Variants in ALOX5 observed in about 807,000 individuals in gnomAD.
ALOX5 encodes polyunsaturated fatty acid 5-lipoxygenase.
A neutral mutation model predicts 87.9 loss-of-function variants in ALOX5; 64 were observed. That is an observed-to-expected ratio of 0.73 (90% CI 0.60 to 0.90). The LOEUF (loss-of-function observed/expected upper bound fraction) is 0.90. Ranked by LOEUF, ALOX5 falls within the 40% of genes least tolerant of loss-of-function variation. The pLI is 0.00. For missense variants in ALOX5, 822 were observed against 907.5 expected (o/e 0.91, Z 1.21); for synonymous variants, 388 against 355.1 (o/e 1.09, Z -1.04).
intron 4 of ALOX5, among the ~76,000 whole-genome samples, chr10:45,418,447 C>T (rs1021490736): frequency 6.6e-6 from 1 of 152,154 alleles, no homozygotes; most frequent in Non-Finnish European, 1.5e-5. Flanking sequence ...CTAAAGACAG[C>T]CTTTGTCTTC....
intron 3 of ALOX5, among the ~76,000 whole-genome samples, chr10:45,397,592 T>C (rs1840558264): frequency 6.6e-6 from 1 of 152,078 alleles, no homozygotes; most frequent in South Asian, 2.1e-4. Flanking sequence ...AATAACATGA[T>C]CTTATATATA....
intron 3 of ALOX5, among the ~76,000 whole-genome samples, chr10:45,408,357 G>A (rs1435545892): frequency 6.6e-6 from 1 of 152,180 alleles, no homozygotes; most frequent in Non-Finnish European, 1.5e-5. Context: ...TTTGGTTTTG[G>A]AAAGGTGGGA....
At chr10:45,431,123 A>G (rs1013408323) in intron 7 of ALOX5, among the ~76,000 whole-genome samples, 4 of 152,234 alleles carry the variant, frequency 2.6e-5, no homozygotes, top group Middle Eastern at 3.2e-3. Context: ...GATTATATCA[A>G]TTCACACTAA....
At chr10:45,429,139 G>A (rs1176848239) in intron 7 of ALOX5, among the ~76,000 whole-genome samples, 5 of 152,166 alleles carry the variant, frequency 3.3e-5, no homozygotes, top group Non-Finnish European at 5.9e-5. Flanking sequence ...CAGGAACCAG[G>A]CCAGTCCTGG....
At chr10:45,377,273 T>C (rs941503517) in intron 1 of ALOX5, among the ~76,000 whole-genome samples, 1 of 152,114 alleles carries the variant, frequency 6.6e-6, no homozygotes, top group Non-Finnish European at 1.5e-5. Flanking sequence ...ATTTCTTTGG[T>C]ATGACCCTCA....
chr10:45,396,162 T>C (rs536449246), intron 3 of ALOX5, among the ~76,000 whole-genome samples: 261 of 152,346 alleles, frequency 1.7e-3, no homozygotes, highest in African/African-American at 6.0e-3. Flanking sequence ...ATCAACCATA[T>C]TGGCATGTAG....
intron 4 of ALOX5, 33 bp downstream of exon 4, chr10:45,412,346 G>T: frequency 6.2e-7 from 1 of 1,612,018 alleles, no homozygotes; most frequent in South Asian, 1.1e-5. Context: ...ACTCTGGGCA[G>T]CCCCTCCAGT....
rs192963047 is a variant in ALOX5 at position 45,387,133 on chromosome 10, A to G, written c.349+4452A>G. ...ATGACCCGGAGAAGTAGGCATTATC[A>G]TCTCCATTTTACATGTGAGGGGGTC... On this transcript the variant is annotated intron_variant, in intron 2 of 13. Coordinates refer to ENST00000374391, the MANE Select transcript of ALOX5 (RefSeq NM_000698.5). 3.2e-3 allele frequency among the ~76,000 whole-genome samples: 490 copies of G among 152,268 alleles called. 1 individual carries two copies. The highest frequency in any genetic ancestry group is 4.9e-3 in the Non-Finnish European group (330 of 68,022).
intron 3 of ALOX5, 137 bp downstream of exon 3, chr10:45,396,073 G>A: frequency 1.3e-6 from 1 of 767,512 alleles, no homozygotes; most frequent in East Asian, 2.7e-5. Context: ...CTCCCAGTGT[G>A]GGTGCACAAT....
In ALOX5 at chr10:45,423,892, A is replaced by C. The variant is rs1042743462; in HGVS notation, c.555-149A>C. The stretch of plus-strand genomic sequence containing the variant: ...CATCCCGTATAGATGCCAGTTTCTG[A>C]CCTGGTTCTGAAAAGCCAGTCACCT... On this transcript the variant is annotated intron_variant, in intron 4 of 13. Transcript: ENST00000374391. 3.5e-5 allele frequency: 24 copies of C among 683,076 alleles called. No individual in the cohort carries two copies. In the African/African-American group the frequency reaches 3.6e-4, roughly 10 times the overall value. The allele number at this position is 683,076 out of a possible 1,614,324, so 42.3% of individuals were successfully genotyped here. A position where few individuals can be genotyped will look rare whatever the true frequency, so the allele number is the denominator to read the frequency against.
intron 2 of ALOX5, among the ~76,000 whole-genome samples, chr10:45,395,038 GA>G (rs1203776929): frequency 6.6e-6 from 1 of 152,210 alleles, no homozygotes; most frequent in East Asian, 1.9e-4. Context: ...CTTTGTGGAA[GA>G]CACTGTGGCA....
At chr10:45,380,317 A>C (rs1428404110) in intron 1 of ALOX5, among the ~76,000 whole-genome samples, 2 of 152,246 alleles carry the variant, frequency 1.3e-5, no homozygotes, top group Admixed American at 6.5e-5. Flanking sequence ...TGTCATCAGA[A>C]ACTGTTCCTA....
At chr10:45,406,611 T>A in intron 3 of ALOX5, among the ~76,000 whole-genome samples, 1 of 152,354 alleles carries the variant, frequency 6.6e-6, no homozygotes, top group African/African-American at 2.4e-5. Flanking sequence ...TACTCTACAT[T>A]TAGCATTTGC....
chr10:45,386,852 G>A (rs1364181736), intron 2 of ALOX5, among the ~76,000 whole-genome samples: 1 of 152,052 alleles, frequency 6.6e-6, no homozygotes, highest in Non-Finnish European at 1.5e-5. Flanking sequence ...GACCTCATCT[G>A]CTCTAAAGGC....
intron 2 of ALOX5, among the ~76,000 whole-genome samples, chr10:45,393,227 C>A (rs1840359864): frequency 6.6e-6 from 1 of 152,154 alleles, no homozygotes; most frequent in African/African-American, 2.4e-5. Flanking sequence ...AAACCGAATC[C>A]AGCAGCACAT....
intron 1 of ALOX5, among the ~76,000 whole-genome samples, chr10:45,376,350 G>A (rs1034931084): frequency 3.4e-5 from 5 of 147,846 alleles, no homozygotes; most frequent in African/African-American, 7.5e-5. Context: ...GTGGTTGGGG[G>A]TGGGGGCTAC....
intron 3 of ALOX5, among the ~76,000 whole-genome samples, chr10:45,401,223 A>T (rs144311920): frequency 9.1e-4 from 139 of 152,324 alleles, no homozygotes; most frequent in Middle Eastern, 6.8e-3. Context: ...GGAAGGAATC[A>T]TTCTACATGG....
At chr10:45,436,351 C>G (rs537966281) in intron 7 of ALOX5, among the ~76,000 whole-genome samples, 29 of 152,110 alleles carry the variant, frequency 1.9e-4, no homozygotes, top group African/African-American at 6.7e-4. Flanking sequence ...AGATTTTTTC[C>G]TAGGTTTTCT....
chr10:45,394,761 A>G (rs1171240232), intron 2 of ALOX5, among the ~76,000 whole-genome samples: 1 of 152,138 alleles, frequency 6.6e-6, no homozygotes, highest in Non-Finnish European at 1.5e-5. Flanking sequence ...ATTTACAAGA[A>G]AAAAACAAAC....
Sources: gnomAD v4.1 joint callset for allele counts (sites outside exome capture counted in the v4.1 genomes callset) on GRCh38, gnomAD v4.1.1 for gene constraint, MANE v1.5 for transcripts, NCBI Gene and HGNC (gene_info 2026-07-23, HGNC 2026-07-21) for gene names.